OSBPL1A: variants seen among roughly 807,000 people sequenced by gnomAD.
The protein encoded by OSBPL1A is oxysterol-binding protein-related protein 1.
In OSBPL1A, 80 loss-of-function variants were observed where a neutral mutation model predicts 137.1. The observed-to-expected ratio is 0.58, with a 90% CI of 0.49 to 0.70. The LOEUF is 0.70. Among genes scored for constraint, OSBPL1A ranks in the 30% least tolerant of loss-of-function variants. OSBPL1A has a pLI of 0.00. For missense variants in OSBPL1A, 970 were observed against 1,129.4 expected, an observed-to-expected ratio of 0.86 and a Z score of 2.02; for synonymous variants, 365 against 389.7, an observed-to-expected ratio of 0.94 and a Z score of 0.75.
In OSBPL1A at chr18:24,377,482, C is replaced by G; in HGVS notation, c.52G>C (p.Ala18Pro). 6.2e-7 allele frequency: 1 copy of G among 1,612,380 alleles called. No homozygotes were observed. Among genetic ancestry groups the G allele is most frequent in the Non-Finnish European group, 8.5e-7 (1 of 1,179,674 alleles). ...QLLHHARNGN[A>P]EEVRQLLETM... is the part of the protein sequence containing the mutation. ...TCTAATAGTTGTCTTACTTCTTCAG[C>G]ATTGCCATTTCTGGCGTGATGGAGA... Residue 18 changes from alanine (A) to proline (P), a missense_variant, in exon 2 of 28, where the codon GCT (alanine) becomes CCT (proline). Around this residue, in one of 2 missense-constraint regions of OSBPL1A, gnomAD observed 647 missense variants for 672.6 expected, o/e 0.96. Transcript: ENST00000319481.
At chr18:24,267,455 C>T (rs2089606578) in intron 15 of OSBPL1A, among the ~76,000 whole-genome samples, 1 of 151,890 alleles carries the variant, frequency 6.6e-6, no homozygotes, top group Admixed American at 6.6e-5. Context: ...GATATTAAAC[C>T]CTGATGAGGA....
At position 24,167,387 on chromosome 18, in the gene OSBPL1A, A is replaced by G. The variant is rs747575349; in HGVS notation, c.2477T>C (p.Ile826Thr). Residue 826 changes from isoleucine to threonine, a missense_variant, in exon 25 of 28, where the codon ATT becomes ACT. Ile to Thr is a moderately conservative substitution (Grantham distance 89, BLOSUM62 -1). Around this residue, in one of 2 missense-constraint regions of OSBPL1A, gnomAD observed 323 missense variants for 456.8 expected, o/e 0.71. Coordinates refer to ENST00000319481, the MANE Select transcript of OSBPL1A (RefSeq NM_080597.4). The part of the protein sequence containing the change: ...MPVPDSESVF[I>T]IPGSVLLWRI... ...CCATAGAAGAACGCTTCCAGGGATA[A>G]TGAATACACTTTCAGAATCCGGCAC... 3 of 1,614,260 alleles carry G rather than the reference A, an allele frequency of 1.9e-6. No homozygotes were observed. Among genetic ancestry groups the G allele is most frequent in the Non-Finnish European group, 2.5e-6 (3 of 1,180,052 alleles).
chr18:24,350,380 T>C (rs8087174), intron 4 of OSBPL1A, among the ~76,000 whole-genome samples: 51,946 of 152,092 alleles, frequency 0.34, 9,189 homozygotes, highest in African/African-American at 0.43. Flanking sequence ...AGACCACTTA[T>C]CTAGACTTTT....
At chr18:24,342,525 T>C (rs1425535232) in intron 4 of OSBPL1A, among the ~76,000 whole-genome samples, 1 of 152,160 alleles carries the variant, frequency 6.6e-6, no homozygotes, top group South Asian at 2.1e-4. Flanking sequence ...GCCTGTAAAA[T>C]ATGAAGTGAT....
At position 24,328,218 on chromosome 18, in the gene OSBPL1A, A is replaced by ATT. The variant is rs564798076; in HGVS notation, c.625+4722_625+4723dup. ...CCACCACGCCCGGCTAATTTTTTGT[A>ATT]TTTTTTTTTTTTTTTTTTTTTTTTT... is the stretch of plus-strand genomic sequence containing the variant. On this transcript the variant is annotated intron_variant, in intron 7 of 27. Coordinates refer to ENST00000319481, the MANE Select transcript of OSBPL1A (RefSeq NM_080597.4). Among the ~76,000 whole-genome samples, 435 of 48,602 alleles carry ATT rather than the reference A, an allele frequency of 9.0e-3. 57 individuals are homozygous for ATT. Among genetic ancestry groups the ATT allele is most frequent in the Non-Finnish European group, 0.012 (328 of 26,778 alleles). The allele number at this position is 48,602 out of a possible 152,430, so 31.9% of individuals were successfully genotyped here. A position where few individuals can be genotyped will look rare whatever the true frequency, so the allele number is the denominator to read the frequency against.
chr18:24,348,688 C>T (rs2091387434), intron 4 of OSBPL1A, among the ~76,000 whole-genome samples: 1 of 151,966 alleles, frequency 6.6e-6, no homozygotes, highest in South Asian at 2.1e-4. Flanking sequence ...GCAGGAGAAT[C>T]GCTTGAACCT....
At chr18:24,328,218 ATTTTTTTTTTTTT>A (rs564798076) in intron 7 of OSBPL1A, among the ~76,000 whole-genome samples, 4 of 48,610 alleles carry the variant, frequency 8.2e-5, no homozygotes, top group Non-Finnish European at 1.1e-4. Context: ...AATTTTTTGT[ATTTTTTTTTTTTT>A]TTTTTTTTTT....
chr18:24,307,004 C>A (rs1311799404), intron 13 of OSBPL1A, among the ~76,000 whole-genome samples: 1 of 151,692 alleles, frequency 6.6e-6, no homozygotes, highest in Non-Finnish European at 1.5e-5. Flanking sequence ...TGCATGTAAT[C>A]CCAGCACTTT....
intron 16 of OSBPL1A, among the ~76,000 whole-genome samples, chr18:24,237,779 A>C (rs2088540467): frequency 6.6e-6 from 1 of 152,138 alleles, no homozygotes; most frequent in Admixed American, 6.6e-5. Context: ...ACGTGTAATA[A>C]ATGTCAGCAG....
intron 17 of OSBPL1A, among the ~76,000 whole-genome samples, chr18:24,203,038 C>T (rs6508248): frequency 0.66 from 99,720 of 152,062 alleles, 34,351 homozygotes; most frequent in Non-Finnish European, 0.77. Context: ...AATGCAACGG[C>T]GCAATCTTGG....
intron 14 of OSBPL1A, among the ~76,000 whole-genome samples, chr18:24,291,914 T>G (rs956390251): frequency 6.6e-6 from 1 of 151,848 alleles, no homozygotes; most frequent in East Asian, 1.9e-4. Flanking sequence ...TTAAAATAAA[T>G]TAAAATAAAA....
intron 15 of OSBPL1A, among the ~76,000 whole-genome samples, chr18:24,251,929 C>T (rs1380452433): frequency 6.6e-6 from 1 of 152,088 alleles, no homozygotes; most frequent in Non-Finnish European, 1.5e-5. Flanking sequence ...ATGCAACTCA[C>T]ATACTGAGAA....
chr18:24,368,246 A>C, intron 3 of OSBPL1A, 41 bp downstream of exon 3: 1 of 1,452,902 alleles, frequency 6.9e-7, no homozygotes, highest in South Asian at 1.2e-5. Flanking sequence ...CATAACAATA[A>C]TATTTACTGT....
chr18:24,314,122 A>C (rs1251985544), intron 12 of OSBPL1A, 127 bp downstream of exon 12: 1 of 566,856 alleles, frequency 1.8e-6, no homozygotes, highest in Non-Finnish European at 2.9e-6. Flanking sequence ...TAAATAAATA[A>C]AAATTTAAAA....
intron 14 of OSBPL1A, among the ~76,000 whole-genome samples, chr18:24,290,929 C>T (rs1487624368): frequency 6.6e-6 from 1 of 152,042 alleles, no homozygotes; most frequent in East Asian, 1.9e-4. Flanking sequence ...AAACTGAAGC[C>T]CCTAGCTTGT....
At chr18:24,259,955 T>C (rs2089401171) in intron 15 of OSBPL1A, among the ~76,000 whole-genome samples, 1 of 152,148 alleles carries the variant, frequency 6.6e-6, no homozygotes, top group Non-Finnish European at 1.5e-5. Flanking sequence ...ATCTACAATA[T>C]ATACACAATC....
rs72883262 is a variant in OSBPL1A at position 24,193,569 on chromosome 18, T to C, written c.1677+2556A>G. On this transcript the variant is annotated intron_variant, in intron 18 of 27. Coordinates refer to ENST00000319481, the MANE Select transcript of OSBPL1A (RefSeq NM_080597.4). ...TTAATCTTTACTGTCGCTTAGTGCT[T>C]ATACCTTGATTGTGTCTGCTGCCTA... is the stretch of plus-strand genomic sequence containing the variant. Among the ~76,000 whole-genome samples the C allele has an allele frequency of 7.4e-3, 1,122 of 152,228 alleles. 7 individuals carry two copies. The highest frequency in any genetic ancestry group is 0.012 in the Non-Finnish European group (787 of 68,016).
intron 17 of OSBPL1A, among the ~76,000 whole-genome samples, chr18:24,202,841 T>A (rs576774447): frequency 6.6e-6 from 1 of 152,316 alleles, no homozygotes; most frequent in African/African-American, 2.4e-5. Context: ...GACCTTAAAT[T>A]TTTAGGAATT....
chr18:24,212,821 A>T (rs1176237000), intron 17 of OSBPL1A, among the ~76,000 whole-genome samples: 4 of 152,228 alleles, frequency 2.6e-5, no homozygotes, highest in Non-Finnish European at 5.9e-5. Flanking sequence ...ATATACAGAA[A>T]TCAACACAAA....
Sources: allele counts gnomAD v4.1 joint callset (sites outside exome capture counted in the v4.1 genomes callset), GRCh38; gene constraint gnomAD v4.1.1; regional missense constraint gnomAD v4.1.1; transcripts MANE v1.5; gene names NCBI Gene and HGNC (gene_info 2026-07-23, HGNC 2026-07-21).